Variants in ABCA10 observed in about 807,000 individuals in gnomAD.
The protein encoded by ABCA10 is ATP-binding cassette sub-family A member 10.
In ABCA10, 169 loss-of-function variants were observed where a neutral mutation model predicts 187.5. The ratio of observed to expected loss-of-function variants is 0.90; its 90% confidence interval spans 0.80 to 1.02. The LOEUF (loss-of-function observed/expected upper bound fraction) is 1.02, where lower values mean the gene tolerates loss of function less well. ABCA10 is among the 50% of genes least tolerant of loss of function. The pLI is 0.00. For missense variants in ABCA10, 1,727 were observed against 1,812.4 expected (o/e 0.95, Z 0.86); for synonymous variants, 574 against 601.8 (o/e 0.95, Z 0.68).
chr17:69,185,743 T>C (rs2074416395), intron 19 of ABCA10, 100 bp from the exon 20 acceptor site: 1 of 929,706 alleles, frequency 1.1e-6, no homozygotes, highest in Non-Finnish European at 1.6e-6. Flanking sequence ...AAAGTCCACA[T>C]GCATATGTGG....
Position 69,193,497 on chromosome 17 carries a change from G to T in ABCA10, c.1637C>A (p.Pro546His), listed in dbSNP as rs746458679. 2 of 1,610,326 alleles carry T rather than the reference G, an allele frequency of 1.2e-6. No individual in the cohort carries two copies. Among genetic ancestry groups the T allele is most frequent in the Non-Finnish European group, 1.7e-6 (2 of 1,178,872 alleles). The change falls in exon 14 of 39, where the codon CCT becomes CAT. Residue 546 changes from proline (P) to histidine (H), a missense_variant. Coordinates refer to ENST00000690296, the MANE Select transcript of ABCA10 (RefSeq NM_001377321.1). ...LTLGIAILGDPQVLLLDEPTA... is the reference protein window; with the variant it reads ...LTLGIAILGDHQVLLLDEPTA... ...AAAATATATTTTTTCTCTCACCTGA[G>T]GATCTCCTAAGATGGCAATCCCTAG...
At chr17:69,162,755 G>A (rs9709278) in intron 27 of ABCA10, among the ~76,000 whole-genome samples, 84,306 of 151,144 alleles carry the variant, frequency 0.56, 25,055 homozygotes, top group Non-Finnish European at 0.67. Context: ...GATTGGTATC[G>A]TTGCTTACAA....
intron 24 of ABCA10, 63 bp from the exon 25 acceptor site, chr17:69,174,457 G>A (rs1568055842): frequency 1.5e-6 from 2 of 1,346,272 alleles, no homozygotes; most frequent in East Asian, 4.7e-5. Context: ...AAAGAGGAGG[G>A]GAGATAATCA....
intron 9 of ABCA10, among the ~76,000 whole-genome samples, chr17:69,209,058 T>C (rs2074614859): frequency 6.6e-6 from 1 of 152,120 alleles, no homozygotes; most frequent in South Asian, 2.1e-4. Context: ...ATAAAAAGAA[T>C]TTAAAGAACA....
At chr17:69,227,657 A>G (rs939125337) in intron 1 of ABCA10, among the ~76,000 whole-genome samples, 3 of 152,010 alleles carry the variant, frequency 2.0e-5, no homozygotes, top group African/African-American at 7.2e-5. Context: ...AAGAAAAAGA[A>G]GTTTAACAGG....
chr17:69,182,537 C>T, intron 21 of ABCA10, 138 bp downstream of exon 21: 7 of 1,106,834 alleles, frequency 6.3e-6, no homozygotes, highest in Middle Eastern at 6.6e-4. Flanking sequence ...TTTTATGTGA[C>T]AAAGAAAGTT....
At position 69,200,866 on chromosome 17, in the gene ABCA10, C is replaced by T. The variant is rs986755007; in HGVS notation, c.1175+634G>A. On this transcript the variant is annotated intron_variant, in intron 10 of 38. Coordinates refer to ENST00000690296, the MANE Select transcript of ABCA10 (RefSeq NM_001377321.1). ...TAGCTGGGACTACAGGCATGCACCA[C>T]CATGCCTGGCTAATTTTTGTATTTT... Among the ~76,000 whole-genome samples the T allele has an allele frequency of 3.0e-4, 45 of 152,326 alleles. 1 individual carries two copies. The highest frequency in any genetic ancestry group is 1.1e-3 in the African/African-American group (44 of 41,576).
chr17:69,175,499 C>G lies in ABCA10; in HGVS notation c.2784G>C (p.Leu928=). The change falls in exon 23 of 39, where the codon CTG becomes CTC. Residue 928 remains leucine (L), a synonymous_variant. Transcript: ENST00000690296. Reference sequence around the variant, plus strand: ...TGGACCCATCTATAAAACCAAGATCCAGCACTATGTCATCCTGAAAGATGA... The same window carrying G: ...TGGACCCATCTATAAAACCAAGATCGAGCACTATGTCATCCTGAAAGATGA... ...STSFSRDDIV[L]DLGFIDGSIF... is the part of the protein sequence containing the mutation. 6.2e-7 allele frequency: 1 copy of G among 1,609,516 alleles called. No individual in the cohort carries two copies.
At chr17:69,195,245 T>C (rs993866340) in intron 11 of ABCA10, among the ~76,000 whole-genome samples, 6 of 152,078 alleles carry the variant, frequency 3.9e-5, no homozygotes, top group East Asian at 1.9e-4. Context: ...CAGGCCAAAA[T>C]AGACGATGAA....
intron 27 of ABCA10, among the ~76,000 whole-genome samples, chr17:69,158,397 T>C (rs2074190798): frequency 6.6e-6 from 1 of 151,944 alleles, no homozygotes; most frequent in Non-Finnish European, 1.5e-5. Context: ...TAAACTGATA[T>C]AAGATAATTG....
chr17:69,148,338 T>C lies in ABCA10; in HGVS notation c.*489A>G, dbSNP rs1235828026. On this transcript the variant is annotated 3_prime_UTR_variant, in exon 39 of 39. Coordinates refer to ENST00000690296, the MANE Select transcript of ABCA10 (RefSeq NM_001377321.1). ...TGTACTAAAATTCACATGCATTTATTTTATAATCAGAATGTCATTATAATT... is the reference window on the plus strand; with the variant it reads ...TGTACTAAAATTCACATGCATTTATCTTATAATCAGAATGTCATTATAATT... The C allele has an allele frequency of 6.5e-6, 1 of 153,006 alleles. No homozygotes were observed. Among genetic ancestry groups the C allele is most frequent in the African/African-American group, 2.4e-5 (1 of 41,462 alleles). 9.5% of individuals were successfully genotyped at this position (153,006 alleles called of 1,614,324 possible). A position where few individuals can be genotyped will look rare whatever the true frequency, so the allele number is the denominator to read the frequency against.
At chr17:69,164,935 C>T (rs1454790170) in intron 26 of ABCA10, 29 bp downstream of exon 26, 2 of 1,608,572 alleles carry the variant, frequency 1.2e-6, no homozygotes, top group South Asian at 2.2e-5. Flanking sequence ...AAGGTCAAGA[C>T]TGGAGACACA....
chr17:69,153,426 C>T, intron 33 of ABCA10, 27 bp from the exon 34 acceptor site: 3 of 1,613,562 alleles, frequency 1.9e-6, no homozygotes, highest in South Asian at 1.1e-5. Flanking sequence ...AGCCCGTCGG[C>T]ACCCAGCCAT....
chr17:69,226,837 A>G (rs2074797585), intron 2 of ABCA10, among the ~76,000 whole-genome samples: 1 of 151,890 alleles, frequency 6.6e-6, no homozygotes, highest in African/African-American at 2.4e-5. Context: ...CTAAGAGTAA[A>G]TCAGAATGAC....
At chr17:69,196,088 C>T (rs572342058) in intron 11 of ABCA10, among the ~76,000 whole-genome samples, 75 of 152,284 alleles carry the variant, frequency 4.9e-4, no homozygotes, top group African/African-American at 1.7e-3. Flanking sequence ...CCTCCCAGAG[C>T]GGGTGGCGGC....
chr17:69,244,449 T>A (rs1012988540), intron 1 of ABCA10: 6 of 151,890 alleles, frequency 4.0e-5, no homozygotes, highest in African/African-American at 1.4e-4. Context: ...ATTATTAATA[T>A]AATCATATTT....
chr17:69,234,129 G>A (rs923825545), intron 1 of ABCA10: 4 of 152,312 alleles, frequency 2.6e-5, no homozygotes, highest in Non-Finnish European at 5.9e-5. Context: ...CTGCACAGAT[G>A]GGCTAGTTCC....
chr17:69,192,498 T>G (rs2074468157), intron 16 of ABCA10, 65 bp downstream of exon 16: 1 of 1,388,822 alleles, frequency 7.2e-7, no homozygotes, highest in Non-Finnish European at 9.9e-7. Context: ...TTCTAAAGGC[T>G]TCTACAAAAT....
chr17:69,185,764 G>T, intron 19 of ABCA10, 121 bp from the exon 20 acceptor site: 1 of 700,990 alleles, frequency 1.4e-6, no homozygotes, highest in Non-Finnish European at 2.2e-6. Flanking sequence ...TGTTTAGTTA[G>T]ATAAAATGAA....
Sources: allele counts gnomAD v4.1 joint callset (sites outside exome capture counted in the v4.1 genomes callset), GRCh38; gene constraint gnomAD v4.1.1; transcripts MANE v1.5; gene names NCBI Gene and HGNC (gene_info 2026-07-23, HGNC 2026-07-21).